PKN2: variants seen among roughly 807,000 people sequenced by gnomAD.
PKN2 encodes the protein serine/threonine-protein kinase N2.
PKN2 carries 38 observed loss-of-function variants against 119.1 expected under a neutral mutation model. That is an observed-to-expected ratio of 0.32 (90% CI 0.25 to 0.42). The LOEUF (loss-of-function observed/expected upper bound fraction) is 0.42. Among genes scored for constraint, PKN2 ranks in the 10% least tolerant of loss-of-function variants. The pLI, the probability that PKN2 is intolerant of heterozygous loss-of-function variation, is 1.00. For synonymous variants in PKN2, 390 were observed against 384.9 expected, an observed-to-expected ratio of 1.01 and a Z score of -0.15; for missense variants, 850 against 1,165.1, an observed-to-expected ratio of 0.73 and a Z score of 3.94.
At chr1:88,684,749 A>T in intron 1 of PKN2, 121 bp downstream of exon 1, 1 of 803,876 alleles carries the variant, frequency 1.2e-6, no homozygotes, top group Non-Finnish European at 1.8e-6. Context: ...AAGTGCGGAA[A>T]CTCCGGGATG....
chr1:88,812,090 A>G (rs911162075), intron 15 of PKN2, among the ~76,000 whole-genome samples: 2 of 152,202 alleles, frequency 1.3e-5, no homozygotes, highest in African/African-American at 4.8e-5. Flanking sequence ...TTTAGGGACA[A>G]TACACAGTTT....
intron 1 of PKN2, among the ~76,000 whole-genome samples, chr1:88,710,817 T>G (rs1667200072): frequency 6.6e-6 from 1 of 152,232 alleles, no homozygotes; most frequent in Non-Finnish European, 1.5e-5. Flanking sequence ...CGAAGGAATA[T>G]AAATCATTCT....
Position 88,833,536 on chromosome 1 carries a change from C to T in PKN2, c.*88C>T, listed in dbSNP as rs574386944. On this transcript the variant is annotated 3_prime_UTR_variant, in exon 22 of 22. Transcript: ENST00000370521. ...CATTTGCTCTCTGTGCCACCAATAG[C>T]TTCTGAGTTTTTTGTTGTTGTTGTT... is the stretch of plus-strand genomic sequence containing the variant. 3 of 962,894 alleles carry T rather than the reference C, an allele frequency of 3.1e-6. No individual in the cohort carries two copies. Among genetic ancestry groups the T allele is most frequent in the East Asian group, 2.4e-5 (1 of 41,234 alleles). 59.6% of individuals were successfully genotyped at this position (962,894 alleles called of 1,614,324 possible). A position where few individuals can be genotyped will look rare whatever the true frequency, so the allele number is the denominator to read the frequency against.
Position 88,822,019 on chromosome 1 carries a change from A to G in PKN2, c.2342+16A>G, listed in dbSNP as rs1313642946. On this transcript the variant is annotated intron_variant, in intron 17 of 21. Transcript: ENST00000370521. ...TTGTTTATAGGTAAGTTAATTTTTAATTTTTTCTAATGGCTTGCTTTGGTA... is the reference window on the plus strand; with the variant it reads ...TTGTTTATAGGTAAGTTAATTTTTAGTTTTTTCTAATGGCTTGCTTTGGTA... 2 of 1,509,580 alleles carry G rather than the reference A, an allele frequency of 1.3e-6. No individual in the cohort carries two copies. Among genetic ancestry groups the G allele is most frequent in the Non-Finnish European group, 1.8e-6 (2 of 1,126,284 alleles). The allele number at this position is 1,509,580 out of a possible 1,614,324, so 93.5% of individuals were successfully genotyped here.
In PKN2 at chr1:88,805,495, A is replaced by G. The variant is rs1671500604; in HGVS notation, c.1502-2A>G. 6.3e-7 allele frequency: 1 copy of G among 1,583,362 alleles called. No individual in the cohort carries two copies. Among genetic ancestry groups the G allele is most frequent in the Non-Finnish European group, 8.6e-7 (1 of 1,162,604 alleles). On this transcript the variant is annotated splice_acceptor_variant, in intron 10 of 21. Transcript: ENST00000370521. LOFTEE classifies it high-confidence loss of function. ...TGTTTTTGTTTTTTTCAACATCTAC[A>G]GGCAAAACATTTCTCAGAGCTCCTC... is the stretch of plus-strand genomic sequence containing the variant.
intron 1 of PKN2, among the ~76,000 whole-genome samples, chr1:88,709,850 C>G (rs1667154162): frequency 6.6e-6 from 1 of 152,116 alleles, no homozygotes; most frequent in African/African-American, 2.4e-5. Context: ...TACACATAGC[C>G]TTGACTTTGA....
intron 17 of PKN2, among the ~76,000 whole-genome samples, chr1:88,823,792 C>T (rs1265559190): frequency 2.1e-5 from 3 of 146,054 alleles, no homozygotes; most frequent in Non-Finnish European, 3.0e-5. Context: ...CAGCGGATCA[C>T]GAGGTCAGAA....
chr1:88,813,813 T>G (rs1021711958), intron 16 of PKN2, 80 bp downstream of exon 16: 1 of 1,219,962 alleles, frequency 8.2e-7, no homozygotes, highest in African/African-American at 1.6e-5. Flanking sequence ...CTTTGAATTT[T>G]AGATTTTTTT....
intron 1 of PKN2, among the ~76,000 whole-genome samples, chr1:88,700,981 T>C (rs1335124965): frequency 6.6e-6 from 1 of 152,204 alleles, no homozygotes; most frequent in Admixed American, 6.5e-5. Context: ...GTACATAATT[T>C]TATCACCTTA....
At chr1:88,727,853 C>G (rs1319733583) in intron 1 of PKN2, among the ~76,000 whole-genome samples, 1 of 152,124 alleles carries the variant, frequency 6.6e-6, no homozygotes, top group Non-Finnish European at 1.5e-5. Context: ...CTACTCTTGC[C>G]AGATGGGAAG....
At chr1:88,762,329 T>G (rs775589693) in intron 3 of PKN2, among the ~76,000 whole-genome samples, 5 of 152,194 alleles carry the variant, frequency 3.3e-5, no homozygotes, top group Non-Finnish European at 7.3e-5. Flanking sequence ...TTAATTAGAT[T>G]TATTAATTTG....
chr1:88,742,684 T>C (rs748156425), intron 2 of PKN2, among the ~76,000 whole-genome samples: 1 of 152,008 alleles, frequency 6.6e-6, no homozygotes, highest in Non-Finnish European at 1.5e-5. Flanking sequence ...AGAAATAGCC[T>C]GTTCCATGGA....
intron 1 of PKN2, among the ~76,000 whole-genome samples, chr1:88,716,538 T>G (rs540574825): frequency 6.6e-6 from 1 of 152,294 alleles, no homozygotes; most frequent in East Asian, 1.9e-4. Flanking sequence ...ATCCCTTTAC[T>G]ATTATGTAAT....
At chr1:88,766,726 G>A (rs1320325103) in intron 3 of PKN2, among the ~76,000 whole-genome samples, 1 of 152,056 alleles carries the variant, frequency 6.6e-6, no homozygotes, top group African/African-American at 2.4e-5. Context: ...ACCAGTCCGT[G>A]TACTCCAGCC....
chr1:88,834,065 T>TTATCAA lies in PKN2; in HGVS notation c.*619_*624dup, dbSNP rs1570702834. On this transcript the variant is annotated 3_prime_UTR_variant, in exon 22 of 22. Coordinates refer to ENST00000370521, the MANE Select transcript of PKN2 (RefSeq NM_006256.4). The stretch of plus-strand genomic sequence containing the variant: ...AGGAGAAAACTTTATATTGCCTTTT[T>TTATCAA]TATCAATCATGTAACAGGCTTATAG... 3 of 152,264 alleles carry TTATCAA rather than the reference T, an allele frequency of 2.0e-5. No individual in the cohort carries two copies. 9.4% of individuals were successfully genotyped at this position (152,264 alleles called of 1,614,324 possible). A position where few individuals can be genotyped will look rare whatever the true frequency, so the allele number is the denominator to read the frequency against.
intron 1 of PKN2, among the ~76,000 whole-genome samples, chr1:88,737,115 G>A (rs963202032): frequency 1.1e-4 from 17 of 152,074 alleles, no homozygotes; most frequent in Admixed American, 2.6e-4. Flanking sequence ...TGGCCAGGAC[G>A]GCCACCGTAA....
At chr1:88,740,029 A>G (rs946046093) in intron 1 of PKN2, among the ~76,000 whole-genome samples, 1 of 152,180 alleles carries the variant, frequency 6.6e-6, no homozygotes, top group African/African-American at 2.4e-5. Flanking sequence ...ATAAAAAATA[A>G]TACAAATAAT....
chr1:88,777,356 A>G (rs1311833338), intron 6 of PKN2, among the ~76,000 whole-genome samples: 1 of 152,036 alleles, frequency 6.6e-6, no homozygotes, highest in Non-Finnish European at 1.5e-5. Context: ...ATTTTTGAGC[A>G]TCTTAATTTA....
intron 15 of PKN2, 31 bp from the exon 16 acceptor site, chr1:88,813,526 T>C (rs986912043): frequency 1.4e-6 from 2 of 1,410,788 alleles, no homozygotes. Flanking sequence ...TTATTTTTAA[T>C]CTGCTTATTT....
Sources: allele counts gnomAD v4.1 joint callset (sites outside exome capture counted in the v4.1 genomes callset), GRCh38; gene constraint gnomAD v4.1.1; transcripts MANE v1.5; gene names NCBI Gene and HGNC (gene_info 2026-07-23, HGNC 2026-07-21).